Variants in PUM2 observed in about 807,000 individuals in gnomAD.
PUM2 encodes the protein pumilio RNA binding family member 2.
A neutral mutation model predicts 124.5 loss-of-function variants in PUM2; 57 were observed. That is an observed-to-expected ratio of 0.46 (90% CI 0.37 to 0.57). The LOEUF (loss-of-function observed/expected upper bound fraction) is 0.57, where lower values mean the gene tolerates loss of function less well. Among genes scored for constraint, PUM2 ranks in the 20% least tolerant of loss-of-function variants. The pLI is 0.00. For missense variants in PUM2, 1,065 were observed against 1,290.6 expected, an observed-to-expected ratio of 0.83 and a Z score of 2.68; for synonymous variants, 460 against 446.1, an observed-to-expected ratio of 1.03 and a Z score of -0.39.
At chr2:20,344,851 C>T (rs899597039) in intron 1 of PUM2, among the ~76,000 whole-genome samples, 13 of 151,618 alleles carry the variant, frequency 8.6e-5, no homozygotes, top group East Asian at 3.9e-4. Context: ...GGCTTCGTGG[C>T]GGGCGCCTGT....
At chr2:20,316,883 T>C (rs998660027) in intron 3 of PUM2, among the ~76,000 whole-genome samples, 1 of 152,012 alleles carries the variant, frequency 6.6e-6, no homozygotes, top group Non-Finnish European at 1.5e-5. Flanking sequence ...ATATGAAAAT[T>C]AGCAGGCTGT....
In PUM2 at chr2:20,249,366, G is replaced by A. The variant is rs547860851; in HGVS notation, c.*2219C>T. On this transcript the variant is annotated 3_prime_UTR_variant, in exon 21 of 21. Transcript: ENST00000361078. ...AGGTTGGTAAAGTAGGAAAAAGTGA[G>A]ACAGCGGCTTTGTGTGGGTTTTAAA... 2.0e-5 allele frequency: 3 copies of A among 152,740 alleles called. No homozygotes were observed. In the South Asian group the frequency reaches 6.2e-4, roughly 32 times the overall value. 9.5% of individuals were successfully genotyped at this position (152,740 alleles called of 1,614,324 possible).
chr2:20,305,523 G>A (rs920915517), intron 7 of PUM2, among the ~76,000 whole-genome samples: 17 of 140,492 alleles, frequency 1.2e-4, no homozygotes, highest in African/African-American at 4.4e-4. Flanking sequence ...AAGCAAGAAT[G>A]CTGACACTAA....
chr2:20,272,453 C>A (rs1250795028), intron 13 of PUM2, among the ~76,000 whole-genome samples: 1 of 152,202 alleles, frequency 6.6e-6, no homozygotes, highest in African/African-American at 2.4e-5. Flanking sequence ...CTCATATACA[C>A]TGGAGTGGCA....
At chr2:20,254,082 TAGAA>T (rs1414693108) in intron 19 of PUM2, 68 bp from the exon 20 acceptor site, 4 of 1,363,700 alleles carry the variant, frequency 2.9e-6, no homozygotes, top group African/African-American at 1.5e-5. Context: ...CCTTGACTTA[TAGAA>T]AGAATCTTCT....
intron 7 of PUM2, 92 bp from the exon 8 acceptor site, chr2:20,297,770 G>T: frequency 2.3e-6 from 3 of 1,312,050 alleles, no homozygotes; most frequent in Non-Finnish European, 3.2e-6. Flanking sequence ...ATCTGGGGTG[G>T]TGTGGGGGTG....
intron 10 of PUM2, among the ~76,000 whole-genome samples, chr2:20,286,285 A>G (rs1672715762): frequency 6.6e-6 from 1 of 152,234 alleles, no homozygotes. Flanking sequence ...TCAAAATAGA[A>G]GTGACAGTAG....
In PUM2 at chr2:20,256,938, G is replaced by A. The variant is rs193265509; in HGVS notation, c.2485-768C>T. ...GCATGTCTGTAATCCCAGCTACTTC[G>A]GAGGCTGAGGCAGGAGAATCACTTG... On this transcript the variant is annotated intron_variant, in intron 16 of 20. Transcript: ENST00000361078. Among the ~76,000 whole-genome samples the A allele has an allele frequency of 4.6e-3, 686 of 150,678 alleles. 2 individuals are homozygous for A. The highest frequency in any genetic ancestry group is 6.5e-3 in the Non-Finnish European group (439 of 67,828).
At chr2:20,336,627 C>T (rs1686084489) in intron 1 of PUM2, among the ~76,000 whole-genome samples, 1 of 151,716 alleles carries the variant, frequency 6.6e-6, no homozygotes, top group South Asian at 2.1e-4. Context: ...AGGGAACCTC[C>T]CAACTCCGCC....
intron 12 of PUM2, among the ~76,000 whole-genome samples, chr2:20,280,131 T>C (rs1231021594): frequency 6.6e-6 from 1 of 152,050 alleles, no homozygotes; most frequent in Non-Finnish European, 1.5e-5. Context: ...AAGAGTATAA[T>C]ACAGACGGAA....
intron 2 of PUM2, among the ~76,000 whole-genome samples, chr2:20,325,661 C>G (rs1023894144): frequency 8.0e-5 from 12 of 150,536 alleles, no homozygotes; most frequent in African/African-American, 2.9e-4. Flanking sequence ...TCGGTTTGTC[C>G]CCCAGGCCAG....
At chr2:20,347,623 A>T (rs1354597023) in intron 1 of PUM2, among the ~76,000 whole-genome samples, 1 of 152,246 alleles carries the variant, frequency 6.6e-6, no homozygotes, top group Non-Finnish European at 1.5e-5. Context: ...CCTAAATGAT[A>T]GGGTTTGAGG....
chr2:20,323,939 T>C (rs1016484291), intron 2 of PUM2, among the ~76,000 whole-genome samples: 28 of 76,740 alleles, frequency 3.6e-4, no homozygotes, highest in Non-Finnish European at 6.1e-4. Context: ...AAAAAAAAAA[T>C]CCAGTATCAG....
intron 3 of PUM2, among the ~76,000 whole-genome samples, chr2:20,318,211 T>C (rs1681467520): frequency 6.6e-6 from 1 of 152,186 alleles, no homozygotes. Context: ...TTTTTAATAA[T>C]AGCCACAGAA....
At chr2:20,255,599 A>G (rs1432481150) in intron 17 of PUM2, among the ~76,000 whole-genome samples, 1 of 152,184 alleles carries the variant, frequency 6.6e-6, no homozygotes, top group Admixed American at 6.5e-5. Flanking sequence ...ACCTGAGGTT[A>G]TGTAACAATG....
In PUM2 at chr2:20,273,816, A is replaced by G. The variant is rs527675787; in HGVS notation, c.1957+4767T>C. On this transcript the variant is annotated intron_variant, in intron 13 of 20. Transcript: ENST00000361078. ...CTTATTACAAATAAGAAGTACAAATATAACATATGTGCTTAGACAAGTATT... is the reference window on the plus strand; with the variant it reads ...CTTATTACAAATAAGAAGTACAAATGTAACATATGTGCTTAGACAAGTATT... Among the ~76,000 whole-genome samples the G allele has an allele frequency of 3.9e-5, 6 of 152,310 alleles. No homozygotes were observed. In the Middle Eastern group the frequency reaches 0.02, roughly 518 times the overall value.
At chr2:20,294,288 C>A in intron 9 of PUM2, 88 bp downstream of exon 9, 2 of 1,465,268 alleles carry the variant, frequency 1.4e-6, no homozygotes, top group East Asian at 2.3e-5. Flanking sequence ...AGTGAGGAAA[C>A]GTAAGTCGAA....
At chr2:20,270,527 A>T (rs1268773450) in intron 13 of PUM2, among the ~76,000 whole-genome samples, 1 of 150,654 alleles carries the variant, frequency 6.6e-6, no homozygotes, top group Non-Finnish European at 1.5e-5. Context: ...AGGGCTGAAG[A>T]ACTGGGAAGG....
intron 5 of PUM2, 115 bp from the exon 6 acceptor site, chr2:20,308,699 TTCTG>T: frequency 2.0e-6 from 2 of 1,016,130 alleles, no homozygotes; most frequent in Non-Finnish European, 1.4e-6. Context: ...GAATAAGGCA[TTCTG>T]GGTCACTATG....
Sources: allele counts gnomAD v4.1 joint callset (sites outside exome capture counted in the v4.1 genomes callset), GRCh38; gene constraint gnomAD v4.1.1; transcripts MANE v1.5; gene names NCBI Gene and HGNC (gene_info 2026-07-23, HGNC 2026-07-21).